Variants in FBLN5 observed in about 807,000 individuals in gnomAD.
FBLN5 encodes fibulin 5.
A neutral mutation model predicts 61.6 loss-of-function variants in FBLN5; 24 were observed. That is an observed-to-expected ratio of 0.39 (90% CI 0.28 to 0.55). The LOEUF is 0.55. FBLN5 is among the 20% of genes least tolerant of loss of function. The pLI, the probability that FBLN5 is intolerant of heterozygous loss-of-function variation, is 0.65. For synonymous variants in FBLN5, 213 were observed against 219.8 expected (o/e 0.97, Z 0.27); for missense variants, 470 against 594.1 (o/e 0.79, Z 2.17).
At chr14:91,923,965 A>T (rs1002904772) in intron 4 of FBLN5, among the ~76,000 whole-genome samples, 1 of 152,126 alleles carries the variant, frequency 6.6e-6, no homozygotes, top group African/African-American at 2.4e-5. Flanking sequence ...ATCCCATTTC[A>T]CTGGGCTACA....
rs771813437 is a variant in FBLN5 at position 91,882,225 on chromosome 14, C to A, written c.862+729G>T. 1.3e-5 allele frequency among the ~76,000 whole-genome samples: 2 copies of A among 152,090 alleles called. No individual in the cohort carries two copies. The highest frequency in any genetic ancestry group is 2.4e-5 in the African/African-American group (1 of 41,430). ...AAGTAATTTTACCCATTTTTTTCCT[C>A]TTTTAATGTGGCTAATAGAAAATGT... On this transcript the variant is annotated intron_variant, in intron 8 of 10. Transcript: ENST00000342058. This position sits in a 1 kb window ranked among gnomAD's most constrained non-coding sequence, Gnocchi z 4.9.
chr14:91,898,833 G>T (rs530786613), intron 4 of FBLN5, among the ~76,000 whole-genome samples: 148 of 116,328 alleles, frequency 1.3e-3, no homozygotes, highest in Admixed American at 1.6e-3. Flanking sequence ...ACGGAATCTC[G>T]CTCTGTCGCC....
intron 5 of FBLN5, among the ~76,000 whole-genome samples, chr14:91,892,528 C>T (rs904258441): frequency 2.6e-5 from 4 of 152,344 alleles, no homozygotes; most frequent in African/African-American, 9.6e-5. Context: ...GTGCCCTGTC[C>T]TGTGATTCTG....
chr14:91,924,401 G>T (rs756261337), intron 4 of FBLN5, among the ~76,000 whole-genome samples: 3 of 152,142 alleles, frequency 2.0e-5, no homozygotes, highest in Non-Finnish European at 4.4e-5. Context: ...AAAATACTAT[G>T]GTGAGACCGC....
At chr14:91,890,235 C>G (rs1056175815) in intron 6 of FBLN5, among the ~76,000 whole-genome samples, 2 of 152,200 alleles carry the variant, frequency 1.3e-5, no homozygotes, top group Non-Finnish European at 2.9e-5. Context: ...AACACTGATG[C>G]CTTCCTATTT....
At chr14:91,905,619 C>T (rs1029719427) in intron 4 of FBLN5, among the ~76,000 whole-genome samples, 2 of 149,484 alleles carry the variant, frequency 1.3e-5, no homozygotes, top group Non-Finnish European at 3.0e-5. Context: ...CTAACTCTGT[C>T]GCCAGGCTGG....
At chr14:91,913,008 T>C (rs1001802113) in intron 4 of FBLN5, among the ~76,000 whole-genome samples, 3 of 152,232 alleles carry the variant, frequency 2.0e-5, no homozygotes, top group African/African-American at 4.8e-5. Flanking sequence ...ACTCAATATG[T>C]ACTCCATATT....
chr14:91,921,690 C>A (rs1440588750), intron 4 of FBLN5, among the ~76,000 whole-genome samples: 1 of 152,174 alleles, frequency 6.6e-6, no homozygotes, highest in African/African-American at 2.4e-5. Context: ...TAATTTCAGA[C>A]AAGGCAGCCT....
rs2056142427 is a variant in FBLN5, at chr14:91,943,728, A to G, written c.18-767T>C. ...CCAAAGAAAGGTGTCACAGGAAGTC[A>G]CTGAACCAGAGCATTGAGTCCACAT... On this transcript the variant is annotated intron_variant, in intron 1 of 10. Transcript: ENST00000342058. This position sits in a 1 kb window ranked among gnomAD's most constrained non-coding sequence, Gnocchi z 4.0. 6.6e-6 allele frequency among the ~76,000 whole-genome samples: 1 copy of G among 152,204 alleles called. No homozygotes were observed. Among genetic ancestry groups the G allele is most frequent in the Non-Finnish European group, 1.5e-5 (1 of 68,030 alleles).
At chr14:91,873,970 C>T (rs1889055236) in intron 10 of FBLN5, 1 of 152,392 alleles carries the variant, frequency 6.6e-6, no homozygotes, top group South Asian at 2.1e-4. Context: ...CTAATTATGA[C>T]CCCCAAGCCA....
intron 4 of FBLN5, among the ~76,000 whole-genome samples, chr14:91,934,919 A>G (rs561014477): frequency 5.3e-5 from 8 of 152,006 alleles, no homozygotes; most frequent in Admixed American, 5.2e-4. Flanking sequence ...CACCCCCACA[A>G]TGCCAGCTCT....
intron 6 of FBLN5, among the ~76,000 whole-genome samples, chr14:91,889,021 G>A (rs1183379275): frequency 6.6e-6 from 1 of 152,188 alleles, no homozygotes; most frequent in African/African-American, 2.4e-5. Flanking sequence ...TTTTCTTACA[G>A]GGGAGGCTAA....
rs1195771151 is a variant in FBLN5, at chr14:91,870,284, G to C, written c.1287C>G (p.Ile429Met). Residue 429 changes from isoleucine (I) to methionine (M), a missense_variant, in exon 11 of 11, where the codon ATC (isoleucine) becomes ATG (methionine). Coordinates refer to ENST00000342058, the MANE Select transcript of FBLN5 (RefSeq NM_006329.4). ...DLEMITVNTV[I>M]NFRGSSVIRL... The stretch of plus-strand genomic sequence containing the variant: ...GGATCACGGAGCTGCCTCTGAAGTT[G>C]ATGACAGTGTTGACAGTGATCATTT... 1 of 1,614,220 alleles carries C rather than the reference G, an allele frequency of 6.2e-7. No individual in the cohort carries two copies. The highest frequency in any genetic ancestry group is 1.1e-5 in the South Asian group (1 of 91,084).
In FBLN5 at chr14:91,870,208, G is replaced by C. The variant is rs763897901; in HGVS notation, c.*16C>G. Reference sequence around the variant, plus strand: ...GGTGCCAATGAGAGGCAGCGTCGGAGGCTCCAGCCCGAGGCTCAGAATGGG... The same window carrying C: ...GGTGCCAATGAGAGGCAGCGTCGGACGCTCCAGCCCGAGGCTCAGAATGGG... On this transcript the variant is annotated 3_prime_UTR_variant, in exon 11 of 11. Coordinates refer to ENST00000342058, the MANE Select transcript of FBLN5 (RefSeq NM_006329.4). 2 of 1,613,278 alleles carry C rather than the reference G, an allele frequency of 1.2e-6. No individual in the cohort carries two copies. Among genetic ancestry groups the C allele is most frequent in the Non-Finnish European group, 1.7e-6 (2 of 1,179,202 alleles).
chr14:91,881,092 G>A (rs1331676082), intron 9 of FBLN5, among the ~76,000 whole-genome samples, 200 bp downstream of exon 9: 1 of 150,830 alleles, frequency 6.6e-6, no homozygotes, highest in African/African-American at 2.5e-5. Context: ...ATTCCAGTCT[G>A]TTCTATCTAT....
intron 4 of FBLN5, among the ~76,000 whole-genome samples, chr14:91,932,745 GA>G (rs2055946437): frequency 6.6e-6 from 1 of 152,238 alleles, no homozygotes; most frequent in Non-Finnish European, 1.5e-5. Context: ...GCCCCGGCAA[GA>G]GTGCAATCAG....
chr14:91,925,534 G>A (rs2055813355), intron 4 of FBLN5, among the ~76,000 whole-genome samples: 1 of 152,210 alleles, frequency 6.6e-6, no homozygotes, highest in Non-Finnish European at 1.5e-5. Context: ...ATACAATTGA[G>A]TGGTGCCCTC....
At chr14:91,924,409 C>T (rs1056604863) in intron 4 of FBLN5, among the ~76,000 whole-genome samples, 4 of 152,062 alleles carry the variant, frequency 2.6e-5, no homozygotes, top group African/African-American at 9.7e-5. Flanking sequence ...ATGGTGAGAC[C>T]GCGTGTGGTG....
chr14:91,925,522 T>C (rs1566822959), intron 4 of FBLN5, among the ~76,000 whole-genome samples: 1 of 152,192 alleles, frequency 6.6e-6, no homozygotes, highest in Non-Finnish European at 1.5e-5. Flanking sequence ...CAGTGACATG[T>C]AATACAATTG....
Sources: allele counts gnomAD v4.1 joint callset (sites outside exome capture counted in the v4.1 genomes callset), GRCh38; gene constraint gnomAD v4.1.1; non-coding constraint Gnocchi (gnomAD v3.1); transcripts MANE v1.5; gene names NCBI Gene and HGNC (gene_info 2026-07-23, HGNC 2026-07-21).